Variants in CACNA1C observed in about 807,000 individuals in gnomAD.
The protein encoded by CACNA1C is voltage-dependent L-type calcium channel subunit alpha-1C.
Under a neutral mutation model 229.0 loss-of-function variants are expected in CACNA1C, and 30 were observed. That is an observed-to-expected ratio of 0.13 (90% CI 0.10 to 0.18). The LOEUF (loss-of-function observed/expected upper bound fraction) is 0.18. Ranked by LOEUF, CACNA1C falls within the 10% of genes least tolerant of loss-of-function variation. The probability of loss-of-function intolerance (pLI) is 1.00; values close to 1 mark genes in which losing one functional copy is unlikely to be tolerated. For missense variants in CACNA1C, 1,658 were observed against 2,845.0 expected (o/e 0.58, Z 9.49); for synonymous variants, 1,114 against 1,132.5 (o/e 0.98, Z 0.33).
intron 4 of CACNA1C, among the ~76,000 whole-genome samples, chr12:2,450,924 G>A (rs1033677550): frequency 2.6e-5 from 4 of 152,176 alleles, no homozygotes; most frequent in East Asian, 1.9e-4. Context: ...AATGACGCAG[G>A]AGGACGTCGA....
chr12:2,090,678 G>A (rs1388989458), intron 1 of CACNA1C, among the ~76,000 whole-genome samples: 3 of 152,210 alleles, frequency 2.0e-5, no homozygotes, highest in Non-Finnish European at 4.4e-5. Context: ...ACTTGTTATT[G>A]TGAATAGTAC....
chr12:2,470,544 TAA>T (rs1337219956), intron 5 of CACNA1C, among the ~76,000 whole-genome samples: 1 of 152,200 alleles, frequency 6.6e-6, no homozygotes, highest in Non-Finnish European at 1.5e-5. Flanking sequence ...ACTTAGTGGT[TAA>T]AGACTCAGAT....
At chr12:2,367,231 A>G (rs2097749097) in intron 3 of CACNA1C, among the ~76,000 whole-genome samples, 1 of 152,178 alleles carries the variant, frequency 6.6e-6, no homozygotes, top group African/African-American at 2.4e-5. Flanking sequence ...TGCGCAGTTC[A>G]CAATAGTGCT....
At chr12:2,637,206 A>T (rs2092855769) in intron 30 of CACNA1C, among the ~76,000 whole-genome samples, 1 of 152,226 alleles carries the variant, frequency 6.6e-6, no homozygotes, top group African/African-American at 2.4e-5. Context: ...TTCATCTGTC[A>T]GAGGAATGTG....
intron 3 of CACNA1C, among the ~76,000 whole-genome samples, chr12:2,355,671 CTTCCTA>C (rs1421912467): frequency 6.6e-6 from 1 of 152,188 alleles, no homozygotes; most frequent in Non-Finnish European, 1.5e-5. Flanking sequence ...TTATATTTAA[CTTCCTA>C]TTACAGCTAT....
chr12:2,093,163 CT>C (rs1292276310), intron 1 of CACNA1C, among the ~76,000 whole-genome samples: 1 of 152,240 alleles, frequency 6.6e-6, no homozygotes, highest in Non-Finnish European at 1.5e-5. Flanking sequence ...AGCAAGGCCC[CT>C]GGCAGGGCAA....
At chr12:2,242,549 C>T (rs533002336) in intron 3 of CACNA1C, among the ~76,000 whole-genome samples, 1 of 152,320 alleles carries the variant, frequency 6.6e-6, no homozygotes, top group South Asian at 2.1e-4. Context: ...TAAATGATGA[C>T]TCAAAAAAAT....
chr12:2,624,249 T>G (rs1315416568), intron 29 of CACNA1C, among the ~76,000 whole-genome samples: 7 of 152,216 alleles, frequency 4.6e-5, no homozygotes, highest in Admixed American at 3.9e-4. Context: ...GAGGTAAAAC[T>G]GACATTTAGT....
chr12:2,074,160 GTAGATA>G (rs1565520000), intron 1 of CACNA1C, among the ~76,000 whole-genome samples: 1 of 7,642 alleles, frequency 1.3e-4, no homozygotes, highest in Non-Finnish European at 3.4e-4. Context: ...TTAGGATAAT[GTAGATA>G]ATGTAGGAAA....
At chr12:2,276,334 A>T (rs1490185006) in intron 3 of CACNA1C, among the ~76,000 whole-genome samples, 4 of 152,180 alleles carry the variant, frequency 2.6e-5, no homozygotes, top group Non-Finnish European at 5.9e-5. Context: ...GGGATCTGCC[A>T]TTTCCTCCCT....
chr12:2,416,674 G>C (rs1039104404), intron 3 of CACNA1C, among the ~76,000 whole-genome samples: 1 of 152,182 alleles, frequency 6.6e-6, no homozygotes, highest in Admixed American at 6.5e-5. Context: ...GTGACAATTG[G>C]GACTCCACCC....
chr12:2,477,546 C>T (rs372887058), intron 5 of CACNA1C, among the ~76,000 whole-genome samples: 18 of 152,324 alleles, frequency 1.2e-4, no homozygotes, highest in African/African-American at 3.6e-4. Context: ...GCTGGGGAGT[C>T]GACCAGATGG....
At chr12:2,389,219 A>G (rs887525530) in intron 3 of CACNA1C, among the ~76,000 whole-genome samples, 7 of 152,210 alleles carry the variant, frequency 4.6e-5, no homozygotes, top group African/African-American at 1.7e-4. Flanking sequence ...GAGAGGTCAA[A>G]TGAGATAAGG....
intron 42 of CACNA1C, among the ~76,000 whole-genome samples, chr12:2,681,131 G>A (rs1208215686): frequency 6.6e-6 from 1 of 152,086 alleles, no homozygotes; most frequent in Non-Finnish European, 1.5e-5. Context: ...CTCCACGTCC[G>A]TCTTTAGCAT....
chr12:2,645,937 C>G (rs534173547), intron 30 of CACNA1C, among the ~76,000 whole-genome samples: 1 of 152,152 alleles, frequency 6.6e-6, no homozygotes, highest in Non-Finnish European at 1.5e-5. Context: ...TTGTCATTAC[C>G]GGGGCAGGAG....
chr12:2,447,487 C>T (rs2099310045), intron 3 of CACNA1C, among the ~76,000 whole-genome samples: 1 of 152,168 alleles, frequency 6.6e-6, no homozygotes, highest in Non-Finnish European at 1.5e-5. Context: ...TGCACATTTC[C>T]AAGCTTCATA....
intron 1 of CACNA1C, among the ~76,000 whole-genome samples, chr12:2,109,729 G>A (rs2154125742): frequency 6.6e-6 from 1 of 152,334 alleles, no homozygotes; most frequent in Middle Eastern, 3.4e-3. Context: ...TGAGGAAAAG[G>A]TCAGGGTGGC....
intron 1 of CACNA1C, among the ~76,000 whole-genome samples, chr12:2,088,352 C>T (rs1207499018): frequency 6.6e-6 from 1 of 152,154 alleles, no homozygotes; most frequent in Non-Finnish European, 1.5e-5. Flanking sequence ...TGAAAGTCAA[C>T]ACCCTCAGGC....
chr12:2,388,591 T>G (rs2098435182), intron 3 of CACNA1C, among the ~76,000 whole-genome samples: 1 of 152,118 alleles, frequency 6.6e-6, no homozygotes, highest in Admixed American at 6.5e-5. Context: ...GTTTGTGGAG[T>G]TTGCAGTGCC....
Sources: allele counts gnomAD v4.1 joint callset (sites outside exome capture counted in the v4.1 genomes callset), GRCh38; gene constraint gnomAD v4.1.1; transcripts MANE v1.5; gene names NCBI Gene and HGNC (gene_info 2026-07-23, HGNC 2026-07-21).